VEGFD: variants seen among roughly 807,000 people sequenced by gnomAD.
VEGFD encodes c-fos induced growth factor (vascular endothelial growth factor D).
Under a neutral mutation model 28.0 loss-of-function variants are expected in VEGFD, and 26 were observed. The observed-to-expected ratio is 0.93, with a 90% CI of 0.68 to 1.29. VEGFD has a LOEUF of 1.29. Ranked by LOEUF, VEGFD falls within the 50% of genes most tolerant of loss-of-function variation. VEGFD has a pLI of 0.00. For missense variants in VEGFD, 294 were observed against 273.4 expected, an observed-to-expected ratio of 1.08 and a Z score of -0.53; for synonymous variants, 93 against 95.5, an observed-to-expected ratio of 0.97 and a Z score of 0.15.
intron 2 of VEGFD, among the ~76,000 whole-genome samples, chrX:15,362,848 T>G (rs1258892234): frequency 1.8e-5 from 2 of 112,072 alleles, no homozygotes; most frequent in African/African-American, 3.2e-5. Context: ...GGGTTTTCTT[T>G]GCCCCCACAT....
chrX:15,360,541 G>C (rs1404517802), intron 2 of VEGFD, among the ~76,000 whole-genome samples: 2 of 110,440 alleles, frequency 1.8e-5, no homozygotes, highest in Admixed American at 9.7e-5. Context: ...GTTTCACCAT[G>C]TTGGCCAGGC....
intron 1 of VEGFD, among the ~76,000 whole-genome samples, chrX:15,382,092 G>A (rs1923590400): frequency 9.0e-6 from 1 of 111,420 alleles, no homozygotes; most frequent in African/African-American, 3.3e-5. Flanking sequence ...AGGCCAAGGC[G>A]GGCAGATCAT....
intron 1 of VEGFD, among the ~76,000 whole-genome samples, chrX:15,367,984 G>A (rs201069453): frequency 2.9e-3 from 55 of 19,206 alleles, no homozygotes; most frequent in African/African-American, 0.012. Context: ...GAAAGAAAAA[G>A]AAAAAGAAAG....
At chrX:15,360,366 G>A (rs1437716233) in intron 2 of VEGFD, among the ~76,000 whole-genome samples, 17 of 104,829 alleles carry the variant, frequency 1.6e-4, no homozygotes, top group Non-Finnish European at 2.7e-4. Flanking sequence ...TTGAGACGGG[G>A]TCTCACTCTG....
chrX:15,364,187 CTT>C (rs963359241), intron 1 of VEGFD, among the ~76,000 whole-genome samples: 4 of 112,022 alleles, frequency 3.6e-5, no homozygotes. Flanking sequence ...TTCTAACTCT[CTT>C]TGTTTTCTTT....
At position 15,346,184 on chromosome X, in the gene VEGFD, A is replaced by G; in HGVS notation, c.1014T>C (p.Phe338=). ...CCTGGGCAGCCCTTTTCTCCTTTGG[A>G]AAGCGGCAATGCTTTGCACATGCTG... ...GKTACAKHCR[F]PKEKRAAQGP... is the part of the protein sequence containing the mutation. Residue 338 remains phenylalanine (F), a synonymous_variant, in exon 7 of 7, where the codon TTT becomes TTC. Coordinates refer to ENST00000297904, the MANE Select transcript of VEGFD (RefSeq NM_004469.5). 8.3e-7 allele frequency: 1 copy of G among 1,211,652 alleles called. No individual in the cohort carries two copies. Among genetic ancestry groups the G allele is most frequent in the African/African-American group, 1.7e-5 (1 of 57,904 alleles).
chrX:15,361,811 G>A (rs1338092900), intron 2 of VEGFD, among the ~76,000 whole-genome samples: 2 of 111,342 alleles, frequency 1.8e-5, no homozygotes, highest in Non-Finnish European at 3.8e-5. Context: ...CATTATGACA[G>A]TACCTACTCA....
intron 1 of VEGFD, among the ~76,000 whole-genome samples, chrX:15,378,042 A>G (rs1327438260): frequency 3.6e-5 from 4 of 112,277 alleles, no homozygotes; most frequent in Non-Finnish European, 7.5e-5. Flanking sequence ...CATAAAATGA[A>G]AGCATAGGTA....
rs1053221323 is a variant in VEGFD, at chrX:15,355,151, G to T, written c.640C>A (p.Arg214Ser). Residue 214 changes from arginine to serine, a missense_variant and splice_region_variant, in exon 4 of 7, where the codon CGC (arginine) becomes AGC (serine). By Grantham distance (110) the Arg-to-Ser change is moderately radical (BLOSUM62 -1). Transcript: ENST00000297904. ...RRSIQIPEEDRCSHSKKLCPI... is the reference protein window; with the variant it reads ...RRSIQIPEEDSCSHSKKLCPI... Reference sequence around the variant, plus strand: ...AAAAAAAAAAACAAAAGTGCTTACCGATCTTCTTCAGGGATCTGGATGGAT... The same window carrying T: ...AAAAAAAAAAACAAAAGTGCTTACCTATCTTCTTCAGGGATCTGGATGGAT... 24 of 1,160,259 alleles carry T rather than the reference G, an allele frequency of 2.1e-5. No homozygotes were observed. Among genetic ancestry groups the T allele is most frequent in the Non-Finnish European group, 2.7e-5 (24 of 876,351 alleles).
intron 1 of VEGFD, among the ~76,000 whole-genome samples, chrX:15,378,567 C>G (rs1484783330): frequency 9.0e-6 from 1 of 111,531 alleles, no homozygotes; most frequent in Non-Finnish European, 1.9e-5. Flanking sequence ...AGCTCCTTTT[C>G]TCAAAAAACT....
chrX:15,355,142 G>T lies in VEGFD; in HGVS notation c.641+8C>A. Reference sequence around the variant, plus strand: ...ATCCAGTATAAAAAAAAAAACAAAAGTGCTTACCGATCTTCTTCAGGGATC... The same window carrying T: ...ATCCAGTATAAAAAAAAAAACAAAATTGCTTACCGATCTTCTTCAGGGATC... On this transcript the variant is annotated splice_region_variant and intron_variant, in intron 4 of 6. Transcript: ENST00000297904. 1.7e-6 allele frequency: 2 copies of T among 1,150,308 alleles called. No homozygotes were observed. Among genetic ancestry groups the T allele is most frequent in the Non-Finnish European group, 2.3e-6 (2 of 869,707 alleles). The allele number at this position is 1,150,308 out of a possible 1,213,427, so 94.8% of individuals were successfully genotyped here.
Position 15,346,111 on chromosome X carries a change from A to G in VEGFD, c.*22T>C. 1 of 1,206,080 alleles carries G rather than the reference A, an allele frequency of 8.3e-7. No homozygotes were observed. The highest frequency in any genetic ancestry group is 1.1e-6 in the Non-Finnish European group (1 of 893,003). On this transcript the variant is annotated 3_prime_UTR_variant, in exon 7 of 7. Coordinates refer to ENST00000297904, the MANE Select transcript of VEGFD (RefSeq NM_004469.5). ...CAGCATGCTGTTAAAAATGACAGGG[A>G]TGGGGAACTTGGAACGCTGAATCAA...
At chrX:15,371,206 T>A (rs1283153319) in intron 1 of VEGFD, among the ~76,000 whole-genome samples, 2 of 111,987 alleles carry the variant, frequency 1.8e-5, no homozygotes, top group East Asian at 2.8e-4. Flanking sequence ...AAGCTAGCAA[T>A]CTATAAAGTG....
At position 15,355,165 on chromosome X, in the gene VEGFD, A is replaced by G. The variant is rs780062964; in HGVS notation, c.626T>C (p.Ile209Thr). 16 of 1,188,805 alleles carry G rather than the reference A, an allele frequency of 1.3e-5. No homozygotes were observed. The highest frequency in any genetic ancestry group is 1.8e-5 in the Non-Finnish European group (16 of 888,371). Residue 209 changes from isoleucine (I) to threonine (T), a missense_variant, in exon 4 of 7, where the codon ATC (isoleucine) becomes ACC (threonine). Coordinates refer to ENST00000297904, the MANE Select transcript of VEGFD (RefSeq NM_004469.5). The part of the protein sequence containing the change: ...PYSIIRRSIQ[I>T]PEEDRCSHSK... ...AAGTGCTTACCGATCTTCTTCAGGG[A>G]TCTGGATGGATCTTCTGATAATTGA...
At chrX:15,369,600 C>A (rs1322110864) in intron 1 of VEGFD, among the ~76,000 whole-genome samples, 1 of 111,435 alleles carries the variant, frequency 9.0e-6, no homozygotes, top group Non-Finnish European at 1.9e-5. Context: ...TTCAGCAGTT[C>A]TCTAATAAGC....
chrX:15,364,697 G>C (rs1183372333), intron 1 of VEGFD, among the ~76,000 whole-genome samples: 1 of 111,721 alleles, frequency 9.0e-6, no homozygotes, highest in Non-Finnish European at 1.9e-5. Context: ...TGGGATGAGG[G>C]AGGAGGCAAA....
chrX:15,377,161 C>CT (rs1175643716), intron 1 of VEGFD, among the ~76,000 whole-genome samples: 1 of 112,496 alleles, frequency 8.9e-6, no homozygotes, highest in Non-Finnish European at 1.9e-5. Context: ...CTTAAGACAT[C>CT]TTTATTTTAT....
chrX:15,347,080 T>G (rs1251235879), intron 6 of VEGFD, 84 bp downstream of exon 6: 2 of 937,241 alleles, frequency 2.1e-6, no homozygotes, highest in Non-Finnish European at 3.0e-6. Context: ...GGGGAAAAAT[T>G]AGCTTACTAA....
intron 1 of VEGFD, among the ~76,000 whole-genome samples, chrX:15,371,787 T>TA (rs903303341): frequency 8.9e-6 from 1 of 112,437 alleles, no homozygotes; most frequent in Non-Finnish European, 1.9e-5. Context: ...GTTCTATCAG[T>TA]AGCGCCATTG....
Sources: gnomAD v4.1 joint callset for allele counts (sites outside exome capture counted in the v4.1 genomes callset) on GRCh38, gnomAD v4.1.1 for gene constraint, MANE v1.5 for transcripts, NCBI Gene and HGNC (gene_info 2026-07-23, HGNC 2026-07-21) for gene names.